Variants in SNCAIP observed in about 807,000 individuals in gnomAD.
SNCAIP encodes synuclein alpha interacting protein.
SNCAIP carries 43 observed loss-of-function variants against 86.7 expected under a neutral mutation model. The ratio of observed to expected loss-of-function variants is 0.50; its 90% CI spans 0.39 to 0.64. SNCAIP has a LOEUF of 0.64. Among genes scored for constraint, SNCAIP ranks in the 30% least tolerant of loss-of-function variants. SNCAIP has a pLI of 0.00. For synonymous variants in SNCAIP, 417 were observed against 427.2 expected (o/e 0.98, Z 0.29); for missense variants, 981 against 1,103.1 (o/e 0.89, Z 1.57).
intron 1 of SNCAIP, among the ~76,000 whole-genome samples, chr5:122,328,125 G>C (rs750594233): frequency 1.3e-5 from 2 of 152,186 alleles, no homozygotes; most frequent in Non-Finnish European, 2.9e-5. Context: ...AGGATAGTTT[G>C]AGCCAAGTCT....
chr5:122,411,815 C>A (rs536603734), intron 3 of SNCAIP, among the ~76,000 whole-genome samples: 2 of 152,106 alleles, frequency 1.3e-5, no homozygotes, highest in Admixed American at 1.3e-4. Flanking sequence ...CCAGGGTATT[C>A]GTTTATGCAC....
At chr5:122,435,675 C>T (rs891202783) in intron 6 of SNCAIP, among the ~76,000 whole-genome samples, 22 of 152,080 alleles carry the variant, frequency 1.4e-4, no homozygotes, top group African/African-American at 2.9e-4. Context: ...TTTAAGGGCA[C>T]TTTTTGAAAA....
intron 1 of SNCAIP, among the ~76,000 whole-genome samples, chr5:122,334,975 C>G (rs963576391): frequency 1.3e-5 from 2 of 152,102 alleles, no homozygotes; most frequent in Non-Finnish European, 2.9e-5. Context: ...ATTACTAAAT[C>G]TGTAGATTTA....
At chr5:122,393,544 A>G (rs1769894102) in intron 2 of SNCAIP, among the ~76,000 whole-genome samples, 1 of 152,116 alleles carries the variant, frequency 6.6e-6, no homozygotes, top group African/African-American at 2.4e-5. Flanking sequence ...GGGCAATTTT[A>G]CCTGCCCCAC....
intron 1 of SNCAIP, among the ~76,000 whole-genome samples, chr5:122,362,748 G>A (rs1423413739): frequency 6.6e-6 from 1 of 152,176 alleles, no homozygotes; most frequent in African/African-American, 2.4e-5. Context: ...AACTGAGGCT[G>A]AACTGAGCGT....
At chr5:122,415,080 A>G (rs534091579) in intron 3 of SNCAIP, among the ~76,000 whole-genome samples, 2 of 152,316 alleles carry the variant, frequency 1.3e-5, no homozygotes, top group South Asian at 2.1e-4. Context: ...TTCACTCTTT[A>G]TAGTATACTT....
chr5:122,339,559 T>G (rs577128143), intron 1 of SNCAIP, among the ~76,000 whole-genome samples: 1 of 152,308 alleles, frequency 6.6e-6, no homozygotes, highest in African/African-American at 2.4e-5. Flanking sequence ...TTATTATTGA[T>G]TGGTCCAAAA....
intron 8 of SNCAIP, 149 bp from the exon 9 acceptor site, chr5:122,449,696 C>A: frequency 1.6e-6 from 1 of 635,310 alleles, no homozygotes; most frequent in South Asian, 2.1e-5. Context: ...AGGAAAATTT[C>A]TGAACCTGTA....
At chr5:122,363,359 C>T (rs1203899718) in intron 1 of SNCAIP, among the ~76,000 whole-genome samples, 1 of 152,130 alleles carries the variant, frequency 6.6e-6, no homozygotes, top group African/African-American at 2.4e-5. Flanking sequence ...GTCACATATC[C>T]ATGTTGTCTT....
chr5:122,442,233 T>C (rs1018450421), intron 7 of SNCAIP, among the ~76,000 whole-genome samples: 4 of 150,370 alleles, frequency 2.7e-5, no homozygotes, highest in Non-Finnish European at 5.9e-5. Flanking sequence ...ATAGATGGTA[T>C]CCAAAACAGA....
chr5:122,390,610 A>G (rs1057330635), intron 1 of SNCAIP, among the ~76,000 whole-genome samples: 2 of 152,152 alleles, frequency 1.3e-5, no homozygotes, highest in South Asian at 4.1e-4. Flanking sequence ...GGTTAGTGGT[A>G]TCTGTCTTGT....
rs1214500670 is a variant in SNCAIP at position 122,451,056 on chromosome 5, A to C, written c.2209A>C (p.Ile737Leu). The part of the protein sequence containing the change: ...ASGGRRFPFS[I>L]KASKSLDGHS... Reference sequence around the variant, plus strand: ...AGGGGGACGCAGGTTTCCTTTCAGCATCAAGGCCTCCAAATCCCTGGATGG... The same window carrying C: ...AGGGGGACGCAGGTTTCCTTTCAGCCTCAAGGCCTCCAAATCCCTGGATGG... The change falls in exon 10 of 11, where the codon ATC (isoleucine) becomes CTC (leucine). Residue 737 changes from isoleucine (I) to leucine (L), a missense_variant. Coordinates refer to ENST00000261368, the MANE Select transcript of SNCAIP (RefSeq NM_005460.4). The C allele has an allele frequency of 5.0e-6, 8 of 1,614,090 alleles. No homozygotes were observed. The Admixed American group carries it at 1.2e-4, about 24-fold the overall frequency.
chr5:122,349,054 T>C (rs1414127546), intron 1 of SNCAIP, among the ~76,000 whole-genome samples: 2 of 152,220 alleles, frequency 1.3e-5, no homozygotes, highest in East Asian at 3.8e-4. Context: ...GACCCTTTTC[T>C]GTTACCAATT....
intron 2 of SNCAIP, among the ~76,000 whole-genome samples, chr5:122,394,234 T>C (rs1258028051): frequency 6.6e-6 from 1 of 152,184 alleles, no homozygotes; most frequent in East Asian, 1.9e-4. Context: ...CTCTTCTCCT[T>C]ACTCTCTAGC....
At chr5:122,395,712 C>T (rs1580970934) in intron 2 of SNCAIP, among the ~76,000 whole-genome samples, 2 of 152,190 alleles carry the variant, frequency 1.3e-5, no homozygotes, top group Admixed American at 1.3e-4. Context: ...ATTCAATCCC[C>T]TGATGCTTCC....
intron 3 of SNCAIP, among the ~76,000 whole-genome samples, chr5:122,407,874 A>G (rs775370699): frequency 6.6e-6 from 1 of 152,214 alleles, no homozygotes; most frequent in Non-Finnish European, 1.5e-5. Flanking sequence ...CAATTTAGCA[A>G]CAGGGAGAGC....
intron 1 of SNCAIP, among the ~76,000 whole-genome samples, chr5:122,363,741 AAC>A (rs1762633032): frequency 6.6e-6 from 1 of 151,746 alleles, no homozygotes. Flanking sequence ...AAATTTTTTA[AAC>A]ACACTACATT....
chr5:122,326,166 CAG>C (rs1753972938), intron 1 of SNCAIP, among the ~76,000 whole-genome samples: 1 of 152,184 alleles, frequency 6.6e-6, no homozygotes, highest in South Asian at 2.1e-4. Flanking sequence ...AGTTTCAAGA[CAG>C]ATGATCCTTA....
Position 122,451,548 on chromosome 5 carries a change from A to T in SNCAIP, c.2701A>T (p.Thr901Ser). 6.2e-7 allele frequency: 1 copy of T among 1,613,828 alleles called. No individual in the cohort carries two copies. The highest frequency in any genetic ancestry group is 8.5e-7 in the Non-Finnish European group (1 of 1,179,992). ...TLPLTSLGRK[T>S]DAKGNPASSA... ...GCCCTTGACCTCACTTGGGAGGAAG[A>T]CAGATGCCAAGGGAAACCCTGCCAG... The change falls in exon 10 of 11, where the codon ACA (threonine) becomes TCA (serine). Residue 901 changes from threonine to serine, a missense_variant. Coordinates refer to ENST00000261368, the MANE Select transcript of SNCAIP (RefSeq NM_005460.4).
Sources: gnomAD v4.1 joint callset for allele counts (sites outside exome capture counted in the v4.1 genomes callset) on GRCh38, gnomAD v4.1.1 for gene constraint, MANE v1.5 for transcripts, NCBI Gene and HGNC (gene_info 2026-07-23, HGNC 2026-07-21) for gene names.